The following HCN1 variants were observed in gnomAD, a reference collection of about 807,000 sequenced individuals.
HCN1 encodes hyperpolarization activated cyclic nucleotide gated potassium channel 1, also known as potassium/sodium hyperpolarization-activated cyclic nucleotide-gated channel 1.
A neutral mutation model predicts 78.9 loss-of-function variants in HCN1; 13 were observed. The ratio of observed to expected loss-of-function variants is 0.16; its 90% confidence interval spans 0.11 to 0.26. The LOEUF is 0.26. HCN1 is among the 10% of genes least tolerant of loss of function. HCN1 has a pLI of 1.00. For synonymous variants in HCN1, 552 were observed against 455.5 expected (o/e 1.21, Z -2.70); for missense variants, 810 against 1,154.3 (o/e 0.70, Z 4.32).
chr5:45,373,152 T>C (rs372896608), intron 4 of HCN1, among the ~76,000 whole-genome samples: 3 of 125,488 alleles, frequency 2.4e-5, no homozygotes, highest in African/African-American at 9.2e-5. Flanking sequence ...ATAATATATA[T>C]AAAAATATAT....
chr5:45,372,309 A>G (rs1747414633), intron 4 of HCN1, among the ~76,000 whole-genome samples: 1 of 98,264 alleles, frequency 1.0e-5, no homozygotes, highest in South Asian at 2.8e-4. Context: ...AATATATAAT[A>G]TGTGAAATAT....
chr5:45,593,249 C>T (rs528721541), intron 2 of HCN1, among the ~76,000 whole-genome samples: 5 of 148,078 alleles, frequency 3.4e-5, no homozygotes, highest in East Asian at 4.0e-4. Context: ...CACACAAACA[C>T]GCACACTAGC....
intron 1 of HCN1, among the ~76,000 whole-genome samples, chr5:45,653,733 A>T (rs1745718819): frequency 6.6e-6 from 1 of 152,066 alleles, no homozygotes; most frequent in Non-Finnish European, 1.5e-5. Context: ...GAACACATGG[A>T]CACAGGAAGG....
At chr5:45,563,237 G>T (rs1743641587) in intron 2 of HCN1, among the ~76,000 whole-genome samples, 1 of 151,998 alleles carries the variant, frequency 6.6e-6, no homozygotes, top group Non-Finnish European at 1.5e-5. Flanking sequence ...ATCACCTGAG[G>T]TCAGGAGTTC....
At chr5:45,291,517 T>C (rs1561091047) in intron 6 of HCN1, among the ~76,000 whole-genome samples, 1 of 152,050 alleles carries the variant, frequency 6.6e-6, no homozygotes, top group Non-Finnish European at 1.5e-5. Context: ...CTCCCTCAGA[T>C]TGTTACATGA....
At chr5:45,413,118 CA>C (rs199533263) in intron 3 of HCN1, among the ~76,000 whole-genome samples, 3,663 of 151,688 alleles carry the variant, frequency 0.024, 65 homozygotes, top group Non-Finnish European at 0.034. Context: ...TGCCTAAGGA[CA>C]AAAAATAAGA....
chr5:45,315,569 C>A (rs1266917646), intron 5 of HCN1, among the ~76,000 whole-genome samples: 3 of 152,016 alleles, frequency 2.0e-5, no homozygotes, highest in Non-Finnish European at 4.4e-5. Context: ...AAGATCAGAG[C>A]AGAACTGAAG....
chr5:45,678,390 A>C (rs1488852395), intron 1 of HCN1, among the ~76,000 whole-genome samples: 1 of 151,944 alleles, frequency 6.6e-6, no homozygotes, highest in Non-Finnish European at 1.5e-5. Flanking sequence ...AAATTTTACC[A>C]AGCAATTGTA....
At chr5:45,446,955 G>A (rs13180342) in intron 3 of HCN1, among the ~76,000 whole-genome samples, 3 of 151,854 alleles carry the variant, frequency 2.0e-5, no homozygotes, top group Non-Finnish European at 2.9e-5. Flanking sequence ...AAAGACCATC[G>A]AGACTAGGAA....
In HCN1 at chr5:45,645,128, C is replaced by T. The variant is rs562735464; in HGVS notation, c.849+57G>A. On this transcript the variant is annotated intron_variant, in intron 2 of 7. Transcript: ENST00000303230. ...CATTGCACAGTTGTTCATTGTAAAA[C>T]AGCCATAATTAACAATTTCATGATA... 278 of 1,296,694 alleles carry T rather than the reference C, an allele frequency of 2.1e-4. No homozygotes were observed. The African/African-American group carries it at 3.6e-3, about 17-fold the overall frequency. The allele number at this position is 1,296,694 out of a possible 1,614,324, so 80.3% of individuals were successfully genotyped here.
At chr5:45,292,084 A>G (rs1745389787) in intron 6 of HCN1, among the ~76,000 whole-genome samples, 1 of 152,020 alleles carries the variant, frequency 6.6e-6, no homozygotes, top group Admixed American at 6.6e-5. Flanking sequence ...AAAAAAAAGG[A>G]AAGAAGAAAG....
At chr5:45,392,208 G>T (rs1739580370) in intron 4 of HCN1, among the ~76,000 whole-genome samples, 1 of 152,054 alleles carries the variant, frequency 6.6e-6, no homozygotes, top group Admixed American at 6.6e-5. Context: ...CTCACCTTTT[G>T]TGTCTGGGTG....
chr5:45,354,992 T>C (rs572371662), intron 4 of HCN1, among the ~76,000 whole-genome samples: 1 of 152,128 alleles, frequency 6.6e-6, no homozygotes, highest in East Asian at 1.9e-4. Flanking sequence ...GTCTCTGAAT[T>C]TGGAAAATTA....
intron 5 of HCN1, among the ~76,000 whole-genome samples, chr5:45,312,894 G>T (rs991954123): frequency 6.6e-6 from 1 of 152,168 alleles, no homozygotes; most frequent in African/African-American, 2.4e-5. Context: ...GGAGCCCCTC[G>T]CAGCTCAAGG....
intron 4 of HCN1, among the ~76,000 whole-genome samples, chr5:45,380,615 T>C (rs1747790004): frequency 6.6e-6 from 1 of 152,074 alleles, no homozygotes; most frequent in Non-Finnish European, 1.5e-5. Context: ...GTTACGTATG[T>C]TTTATGACAA....
chr5:45,337,687 T>C (rs1028417436), intron 5 of HCN1, among the ~76,000 whole-genome samples: 1 of 152,016 alleles, frequency 6.6e-6, no homozygotes, highest in Non-Finnish European at 1.5e-5. Flanking sequence ...AATGAACAAA[T>C]AAATATTAAG....
At chr5:45,598,705 T>C (rs1439722651) in intron 2 of HCN1, among the ~76,000 whole-genome samples, 1 of 152,052 alleles carries the variant, frequency 6.6e-6, no homozygotes, top group African/African-American at 2.4e-5. Context: ...TACAAAGAAC[T>C]CAAACAAATT....
intron 2 of HCN1, among the ~76,000 whole-genome samples, chr5:45,582,539 C>A (rs1744104178): frequency 1.3e-5 from 2 of 152,026 alleles, no homozygotes; most frequent in African/African-American, 2.4e-5. Flanking sequence ...TTGCCCTGGC[C>A]AGAACTTCCA....
At chr5:45,270,702 T>A (rs1042775386) in intron 6 of HCN1, among the ~76,000 whole-genome samples, 1 of 152,152 alleles carries the variant, frequency 6.6e-6, no homozygotes, top group African/African-American at 2.4e-5. Flanking sequence ...AAATAAGAAA[T>A]GTATTTGTCT....
Sources: allele counts gnomAD v4.1 joint callset (sites outside exome capture counted in the v4.1 genomes callset), GRCh38; gene constraint gnomAD v4.1.1; transcripts MANE v1.5; gene names NCBI Gene and HGNC (gene_info 2026-07-23, HGNC 2026-07-21).